Variants in ALDH3B1 observed in about 807,000 individuals in gnomAD.
The protein encoded by ALDH3B1 is aldehyde dehydrogenase 3 family member B1.
Under a neutral mutation model 46.2 loss-of-function variants are expected in ALDH3B1, and 37 were observed. The ratio of observed to expected loss-of-function variants is 0.80; its 90% CI spans 0.62 to 1.05. The LOEUF is 1.05. Among genes scored for constraint, ALDH3B1 ranks in the 50% least tolerant of loss-of-function variants. ALDH3B1 has a pLI of 0.00. For missense variants in ALDH3B1, 603 were observed against 665.5 expected (o/e 0.91, Z 1.03); for synonymous variants, 283 against 281.0 (o/e 1.01, Z -0.07).
chr11:68,012,771 CT>C (rs1223445458), intron 1 of ALDH3B1, among the ~76,000 whole-genome samples: 10 of 152,094 alleles, frequency 6.6e-5, no homozygotes, highest in African/African-American at 2.4e-4. Flanking sequence ...AAGGACTTGG[CT>C]GCCCATCCCC....
At chr11:68,027,405 G>A (rs1857653371) in intron 9 of ALDH3B1, among the ~76,000 whole-genome samples, 1 of 152,148 alleles carries the variant, frequency 6.6e-6, no homozygotes, top group Non-Finnish European at 1.5e-5. Context: ...ACCTTAGGAG[G>A]GAGGTACCCT....
chr11:68,021,541 G>A lies in ALDH3B1; in HGVS notation c.619G>A (p.Val207Ile), dbSNP rs1020495454. 6.8e-6 allele frequency: 11 copies of A among 1,613,954 alleles called. No individual in the cohort carries two copies. The Admixed American group carries it at 1.2e-4, about 17-fold the overall frequency. ...TGCTGCCGCCAAGCACCTGACACCT[G>A]TCACCCTGGAGCTGGGGGGCAAGAA... ...MTAAAKHLTP[V>I]TLELGGKNPC... The change falls in exon 7 of 10, where the codon GTC (valine) becomes ATC (isoleucine). Residue 207 changes from valine (V) to isoleucine (I), a missense_variant. Coordinates refer to ENST00000342456, the MANE Select transcript of ALDH3B1 (RefSeq NM_000694.4).
At chr11:68,019,097 C>T (rs1857424626) in intron 4 of ALDH3B1, 73 bp from the exon 5 acceptor site, 7 of 1,518,468 alleles carry the variant, frequency 4.6e-6, no homozygotes, top group Non-Finnish European at 6.3e-6. Context: ...GAGGCTGATG[C>T]CTGCCCTGCA....
In ALDH3B1 at chr11:68,021,527, A is replaced by G; in HGVS notation, c.605A>G (p.Lys202Arg). ...VGKIVMTAAAKHLTPVTLELG... is the reference protein window; with the variant it reads ...VGKIVMTAAARHLTPVTLELG... ...AAGATTGTTATGACTGCTGCCGCCA[A>G]GCACCTGACACCTGTCACCCTGGAG... Residue 202 changes from lysine (K) to arginine (R), a missense_variant, in exon 7 of 10, where the codon AAG becomes AGG. Physicochemically the swap from Lys to Arg is conservative, Grantham distance 26 (BLOSUM62 2). Coordinates refer to ENST00000342456, the MANE Select transcript of ALDH3B1 (RefSeq NM_000694.4). 1.2e-6 allele frequency: 2 copies of G among 1,613,916 alleles called. No homozygotes were observed. Among genetic ancestry groups the G allele is most frequent in the Middle Eastern group, 3.3e-4 (2 of 6,062 alleles).
In ALDH3B1 at chr11:68,026,060, G is replaced by A. The variant is rs762058042; in HGVS notation, c.1168G>A (p.Asp390Asn). The A allele has an allele frequency of 1.4e-5, 22 of 1,609,272 alleles. No individual in the cohort carries two copies. Among genetic ancestry groups the A allele is most frequent in the African/African-American group, 1.3e-4 (10 of 74,824 alleles). Residue 390 changes from aspartate (D) to asparagine (N), a missense_variant, in exon 9 of 10, where the codon GAC becomes AAC. Coordinates refer to ENST00000342456, the MANE Select transcript of ALDH3B1 (RefSeq NM_000694.4). ...CAGCAGCGGGGGCTTCTGTGGGAACGACGGCTTCATGCACATGACCCTGGC... is the reference window on the plus strand; with the variant it reads ...CAGCAGCGGGGGCTTCTGTGGGAACAACGGCTTCATGCACATGACCCTGGC... Reference protein sequence around the residue: ...QTSSGGFCGNDGFMHMTLASL... With the variant: ...QTSSGGFCGNNGFMHMTLASL...
At chr11:68,017,330 C>T (rs1050247080) in intron 2 of ALDH3B1, 13 of 152,354 alleles carry the variant, frequency 8.5e-5, no homozygotes, top group African/African-American at 3.1e-4. Flanking sequence ...CTTCCTCCCT[C>T]TTGGGGCTCA....
chr11:68,023,970 T>TAAAA (rs34271562), intron 8 of ALDH3B1, among the ~76,000 whole-genome samples: 1 of 135,144 alleles, frequency 7.4e-6, no homozygotes, highest in Non-Finnish European at 1.6e-5. Flanking sequence ...TCCTGACCCA[T>TAAAA]AAAAAAAAAA....
At chr11:68,014,291 A>C (rs1857294181) in intron 1 of ALDH3B1, among the ~76,000 whole-genome samples, 1 of 152,120 alleles carries the variant, frequency 6.6e-6, no homozygotes, top group Admixed American at 6.5e-5. Context: ...GCTGGGGAGC[A>C]GAGTCAAGGG....
At chr11:68,015,530 G>T (rs539459806) in intron 2 of ALDH3B1, 71 bp downstream of exon 2, 2 of 1,546,610 alleles carry the variant, frequency 1.3e-6, no homozygotes, top group African/African-American at 1.4e-5. Context: ...GGGACAGCAG[G>T]GGATGAAGAC....
At position 68,019,401 on chromosome 11, in the gene ALDH3B1, C is replaced by T. The variant is rs1189533977; in HGVS notation, c.480+146C>T. On this transcript the variant is annotated intron_variant, in intron 5 of 9. Transcript: ENST00000342456. ...AGTTGTGTAAACTTGACCAAGTCACCGCCCCTGTCAGCCTCAGTTTCCCTC... is the reference window on the plus strand; with the variant it reads ...AGTTGTGTAAACTTGACCAAGTCACTGCCCCTGTCAGCCTCAGTTTCCCTC... 58 of 760,442 alleles carry T rather than the reference C, an allele frequency of 7.6e-5. 1 individual carries two copies. Among genetic ancestry groups the T allele is most frequent in the South Asian group, 7.0e-4 (41 of 58,418 alleles). The allele number at this position is 760,442 out of a possible 1,614,324, so 47.1% of individuals were successfully genotyped here.
At chr11:68,011,884 C>T (rs1182544426) in intron 1 of ALDH3B1, among the ~76,000 whole-genome samples, 1 of 152,208 alleles carries the variant, frequency 6.6e-6, no homozygotes, top group Non-Finnish European at 1.5e-5. Flanking sequence ...CTTGAATTCT[C>T]CCGACAGTGG....
chr11:68,018,541 G>A lies in ALDH3B1; in HGVS notation c.177G>A (p.Ser59=), dbSNP rs754267666. Residue 59 remains serine, a synonymous_variant, in exon 3 of 10, where the codon TCG becomes TCA. Coordinates refer to ENST00000342456, the MANE Select transcript of ALDH3B1 (RefSeq NM_000694.4). ...ACTTCCTGCAGTCAGCCTTCGAGTCGGAGGTGTCTGAGGTTGCCATCAGCC... is the reference window on the plus strand; with the variant it reads ...ACTTCCTGCAGTCAGCCTTCGAGTCAGAGGTGTCTGAGGTTGCCATCAGCC... The part of the protein sequence containing the change: ...AQDLHKSAFE[S]EVSEVAISQG... 1.3e-5 allele frequency: 20 copies of A among 1,573,504 alleles called. No homozygotes were observed. The highest frequency in any genetic ancestry group is 1.7e-4 in the Middle Eastern group (1 of 6,010).
chr11:68,026,079 C>T lies in ALDH3B1; in HGVS notation c.1187C>T (p.Thr396Ile), dbSNP rs754336288. 1 of 1,607,332 alleles carries T rather than the reference C, an allele frequency of 6.2e-7. No homozygotes were observed. The highest frequency in any genetic ancestry group is 8.5e-7 in the Non-Finnish European group (1 of 1,176,990). Residue 396 changes from threonine (T) to isoleucine (I), a missense_variant, in exon 9 of 10, where the codon ACC becomes ATC. Physicochemically the swap from Thr to Ile is moderately conservative, Grantham distance 89. Transcript: ENST00000342456. ...GGGAACGACGGCTTCATGCACATGA[C>T]CCTGGCCAGCCTGCCTTTTGGAGGA... ...FCGNDGFMHM[T>I]LASLPFGGVG...
chr11:68,021,948 A>C, intron 7 of ALDH3B1, 77 bp downstream of exon 7: 1 of 1,514,348 alleles, frequency 6.6e-7, no homozygotes. Context: ...CTGGGCCACA[A>C]CTCTGGACCC....
At position 68,028,880 on chromosome 11, in the gene ALDH3B1, G is replaced by A. The variant is rs907505923; in HGVS notation, c.*941G>A. The A allele has an allele frequency of 1.3e-5, 2 of 152,254 alleles. No homozygotes were observed. The highest frequency in any genetic ancestry group is 6.5e-5 in the Admixed American group (1 of 15,276). 9.4% of individuals were successfully genotyped at this position (152,254 alleles called of 1,614,324 possible). The stretch of plus-strand genomic sequence containing the variant: ...TCTCCCTTCCCTCCAGCCCATGCCA[G>A]AGGAGCTTGTAACTCTTTATCCTCA... On this transcript the variant is annotated 3_prime_UTR_variant, in exon 10 of 10. Coordinates refer to ENST00000342456, the MANE Select transcript of ALDH3B1 (RefSeq NM_000694.4).
chr11:68,026,150 A>T, intron 9 of ALDH3B1, 42 bp downstream of exon 9: 1 of 1,509,240 alleles, frequency 6.6e-7, no homozygotes, highest in Non-Finnish European at 9.0e-7. Context: ...CATTTGGTCA[A>T]ATTGCAATAG....
At chr11:68,023,699 A>G (rs553584693) in intron 8 of ALDH3B1, among the ~76,000 whole-genome samples, 16 of 152,242 alleles carry the variant, frequency 1.1e-4, no homozygotes, top group African/African-American at 3.6e-4. Flanking sequence ...CATGTACCCC[A>G]CACCTAATTT....
chr11:68,013,923 A>C (rs1300200043), intron 1 of ALDH3B1, among the ~76,000 whole-genome samples: 2 of 152,240 alleles, frequency 1.3e-5, no homozygotes, highest in Non-Finnish European at 2.9e-5. Context: ...CAATCACTCC[A>C]GCTGAGGGCT....
In ALDH3B1 at chr11:68,021,919, C is replaced by T. The variant is rs772662594; in HGVS notation, c.949+48C>T. ...CAGCCCACCTGGGCCAAGACCCCTC[C>T]TCACTGGAGGGCCCAAGGCTGGGCC... On this transcript the variant is annotated intron_variant, in intron 7 of 9. Transcript: ENST00000342456. 3 of 1,543,936 alleles carry T rather than the reference C, an allele frequency of 1.9e-6. 1 individual carries two copies. The Admixed American group carries it at 5.9e-5, about 31-fold the overall frequency.
Sources: allele counts gnomAD v4.1 joint callset (sites outside exome capture counted in the v4.1 genomes callset), GRCh38; gene constraint gnomAD v4.1.1; transcripts MANE v1.5; gene names NCBI Gene and HGNC (gene_info 2026-07-23, HGNC 2026-07-21).